ST8SIA5: variants seen among roughly 807,000 people sequenced by gnomAD.
The protein encoded by ST8SIA5 is alpha-2,8-sialyltransferase 8E.
Under a neutral mutation model 40.2 loss-of-function variants are expected in ST8SIA5, and 24 were observed. The observed-to-expected ratio is 0.60, with a 90% CI of 0.43 to 0.84. ST8SIA5 has a LOEUF of 0.84. ST8SIA5 is among the 40% of genes least tolerant of loss of function. The pLI is 0.00. For synonymous variants in ST8SIA5, 198 were observed against 201.8 expected (o/e 0.98, Z 0.16); for missense variants, 465 against 498.5 (o/e 0.93, Z 0.64).
At position 46,699,388 on chromosome 18, in the gene ST8SIA5, C is replaced by CT. The variant is rs1317106498; in HGVS notation, c.224+5183dup. On this transcript the variant is annotated intron_variant, in intron 2 of 6. Coordinates refer to ENST00000315087, the MANE Select transcript of ST8SIA5 (RefSeq NM_013305.6). ...CTCTTCTTTCTCCCTCTTTTTTTTT[C>CT]TTTTTTTTTGAGACGGAGTCTTACT... 2.8e-3 allele frequency among the ~76,000 whole-genome samples: 416 copies of CT among 149,274 alleles called. 4 individuals carry two copies. Among genetic ancestry groups the CT allele is most frequent in the African/African-American group, 9.0e-3 (366 of 40,640 alleles).
At chr18:46,688,648 G>T (rs328119) in intron 4 of ST8SIA5, 127 bp downstream of exon 4, 302,121 of 1,260,898 alleles carry the variant, frequency 0.24, 38,791 homozygotes, top group Non-Finnish European at 0.26. Flanking sequence ...TGGTCAACCA[G>T]GACCAAGACA....
chr18:46,733,374 T>C (rs1379944497), intron 1 of ST8SIA5, among the ~76,000 whole-genome samples: 1 of 152,220 alleles, frequency 6.6e-6, no homozygotes. Context: ...CCATTCATTC[T>C]ATTTTCATCT....
At chr18:46,695,575 T>C (rs1415055885) in intron 2 of ST8SIA5, among the ~76,000 whole-genome samples, 1 of 152,208 alleles carries the variant, frequency 6.6e-6, no homozygotes. Flanking sequence ...CCAGTACATA[T>C]AAGTTATTAG....
At chr18:46,698,732 C>G (rs1023136686) in intron 2 of ST8SIA5, among the ~76,000 whole-genome samples, 2 of 152,194 alleles carry the variant, frequency 1.3e-5, no homozygotes, top group Non-Finnish European at 2.9e-5. Flanking sequence ...AAAGGTGAAT[C>G]CAACCTCAGA....
intron 2 of ST8SIA5, among the ~76,000 whole-genome samples, chr18:46,695,661 C>T (rs2039550536): frequency 6.6e-6 from 1 of 152,220 alleles, no homozygotes; most frequent in Non-Finnish European, 1.5e-5. Flanking sequence ...AACCTATGAC[C>T]TATCATGATT....
intron 1 of ST8SIA5, among the ~76,000 whole-genome samples, chr18:46,725,980 T>TATATATATATATATATATATATATCCTGG (rs1568271271): frequency 1.9e-5 from 1 of 54,040 alleles, no homozygotes; most frequent in African/African-American, 8.3e-5. Context: ...AAAATATATA[T>TATATATATATATATATATATATATCCTGG]ATATATATAT....
In ST8SIA5 at chr18:46,673,556, G is replaced by A. The variant is rs918662804; in HGVS notation, c.*6486C>T. ...TTCCCAGGCGCCACCTCTCCCCCAG[G>A]TTCTCAGTCCATAGTTTTAACAAGC... On this transcript the variant is annotated 3_prime_UTR_variant, in exon 7 of 7. Coordinates refer to ENST00000315087, the MANE Select transcript of ST8SIA5 (RefSeq NM_013305.6). 4 of 152,002 alleles carry A rather than the reference G, an allele frequency of 2.6e-5. No homozygotes were observed. The highest frequency in any genetic ancestry group is 7.2e-5 in the African/African-American group (3 of 41,412). 9.4% of individuals were successfully genotyped at this position (152,002 alleles called of 1,614,324 possible).
At position 46,672,910 on chromosome 18, in the gene ST8SIA5, T is replaced by C. The variant is rs2039317625; in HGVS notation, c.*7132A>G. The C allele has an allele frequency of 6.6e-6, 1 of 152,224 alleles. No homozygotes were observed. The highest frequency in any genetic ancestry group is 2.1e-4 in the South Asian group (1 of 4,834). The allele number at this position is 152,224 out of a possible 1,614,324, so 9.4% of individuals were successfully genotyped here. On this transcript the variant is annotated 3_prime_UTR_variant, in exon 7 of 7. Transcript: ENST00000315087. ...CAGTTAATGTCATTTGAGAGCTGCT[T>C]GCACCTAAGTGATTCTAAAAAGTCT...
chr18:46,690,878 A>C (rs967983217), intron 3 of ST8SIA5, among the ~76,000 whole-genome samples: 1 of 152,094 alleles, frequency 6.6e-6, no homozygotes, highest in Non-Finnish European at 1.5e-5. Flanking sequence ...GGCCTCCCAA[A>C]GTGCTGGGAT....
chr18:46,710,400 T>G (rs1287945367), intron 1 of ST8SIA5, among the ~76,000 whole-genome samples: 1 of 145,826 alleles, frequency 6.9e-6, no homozygotes, highest in Non-Finnish European at 1.5e-5. Flanking sequence ...TCTTTCTTTC[T>G]TTCTTTCTTT....
Position 46,680,148 on chromosome 18 carries a change from T to G in ST8SIA5, c.1025A>C (p.Lys342Thr). 1 of 1,614,232 alleles carries G rather than the reference T, an allele frequency of 6.2e-7. No homozygotes were observed. The highest frequency in any genetic ancestry group is 8.5e-7 in the Non-Finnish European group (1 of 1,180,028). The change falls in exon 7 of 7, where the codon AAG (lysine) becomes ACG (threonine). Residue 342 changes from lysine (K) to threonine (T), a missense_variant. Physicochemically the swap from Lys to Thr is moderately conservative, Grantham distance 78 (BLOSUM62 -1). Transcript: ENST00000315087. ...CATGGCGTGGAAGCCGGGACGCGGC[T>G]TGACGTTGTCATAGTAGTGGTGAGT... ...YITHHYYDNV[K>T]PRPGFHAMPS...
intron 5 of ST8SIA5, among the ~76,000 whole-genome samples, chr18:46,685,522 C>T (rs1202149890): frequency 1.3e-5 from 2 of 152,070 alleles, no homozygotes; most frequent in African/African-American, 4.8e-5. Flanking sequence ...TGCAGGAGTC[C>T]CTTTATTTAA....
Position 46,680,196 on chromosome 18 carries a change from A to G in ST8SIA5, c.977T>C (p.Met326Thr), listed in dbSNP as rs143043666. 2.8e-4 allele frequency: 450 copies of G among 1,614,222 alleles called. No individual in the cohort carries two copies. Among genetic ancestry groups the G allele is most frequent in the Non-Finnish European group, 3.6e-4 (427 of 1,180,036 alleles). Residue 326 changes from methionine to threonine, a missense_variant, in exon 7 of 7, where the codon ATG becomes ACG. Met to Thr is a moderately conservative substitution (Grantham distance 81). Transcript: ENST00000315087. ...VHLFGFWAFP[M>T]NPSGLYITHH... Reference sequence around the variant, plus strand: ...AGTGATGTAGAGGCCCGAGGGGTTCATGGGGAAGGCCCAGAAGCCAAAGAG... The same window carrying G: ...AGTGATGTAGAGGCCCGAGGGGTTCGTGGGGAAGGCCCAGAAGCCAAAGAG...
intron 1 of ST8SIA5, among the ~76,000 whole-genome samples, chr18:46,755,615 G>A (rs1438854260): frequency 6.6e-6 from 1 of 152,152 alleles, no homozygotes; most frequent in Non-Finnish European, 1.5e-5. Context: ...TAGAGAGGCT[G>A]AGGCTGTGCC....
Position 46,681,992 on chromosome 18 carries a change from G to T in ST8SIA5, c.642C>A (p.Asn214Lys). ...VGVKTDVVTV[N>K]PSIITERFHK... ...CTGACCTCTCTGTGATGATGCTGGG[G>T]TTCACAGTGACCACATCCGTCTTCA... Residue 214 changes from asparagine to lysine, a missense_variant, in exon 6 of 7, where the codon AAC becomes AAA. By Grantham distance (94) the Asn-to-Lys change is moderately conservative. Transcript: ENST00000315087. The T allele has an allele frequency of 6.2e-7, 1 of 1,614,072 alleles. No individual in the cohort carries two copies. The highest frequency in any genetic ancestry group is 8.5e-7 in the Non-Finnish European group (1 of 1,180,000).
chr18:46,718,789 C>G (rs139367920), intron 1 of ST8SIA5, among the ~76,000 whole-genome samples: 63 of 152,250 alleles, frequency 4.1e-4, no homozygotes, highest in African/African-American at 1.4e-3. Context: ...ACATGGCATG[C>G]ACTGAATTAT....
At chr18:46,686,092 G>C in intron 5 of ST8SIA5, 82 bp downstream of exon 5, 1 of 1,342,924 alleles carries the variant, frequency 7.4e-7, no homozygotes, top group South Asian at 1.2e-5. Flanking sequence ...TTGCTTAAAG[G>C]GTAGCATTAG....
At position 46,680,014 on chromosome 18, in the gene ST8SIA5, G is replaced by A. The variant is rs770230911; in HGVS notation, c.*28C>T. ...GAGGGACAGCAGGAGAGGGGGCGCC[G>A]CTTGCCGGGCAGCCTGGCTGGCAGC... On this transcript the variant is annotated 3_prime_UTR_variant, in exon 7 of 7. Coordinates refer to ENST00000315087, the MANE Select transcript of ST8SIA5 (RefSeq NM_013305.6). 2.0e-5 allele frequency: 32 copies of A among 1,576,908 alleles called. 1 individual carries two copies. In the South Asian group the frequency reaches 3.6e-4, roughly 18 times the overall value.
At chr18:46,721,320 T>G (rs1599132954) in intron 1 of ST8SIA5, 1 of 1,522,162 alleles carries the variant, frequency 6.6e-7, no homozygotes, top group Non-Finnish European at 8.8e-7. Context: ...CCACCCCGGG[T>G]TGAGCTTCCC....
Sources: gnomAD v4.1 joint callset for allele counts (sites outside exome capture counted in the v4.1 genomes callset) on GRCh38, gnomAD v4.1.1 for gene constraint, MANE v1.5 for transcripts, NCBI Gene and HGNC (gene_info 2026-07-23, HGNC 2026-07-21) for gene names.